Variants in UMODL1 observed in about 807,000 individuals in gnomAD.
The protein encoded by UMODL1 is uromodulin-like 1.
A neutral mutation model predicts 136.3 loss-of-function variants in UMODL1; 128 were observed. That is an observed-to-expected ratio of 0.94 (90% CI 0.81 to 1.09). UMODL1 has a LOEUF of 1.09. Among genes scored for constraint, UMODL1 ranks in the 50% least tolerant of loss-of-function variants. The pLI is 0.00. For synonymous variants in UMODL1, 721 were observed against 720.0 expected, an observed-to-expected ratio of 1.00 and a Z score of -0.02; for missense variants, 1,766 against 1,725.6, an observed-to-expected ratio of 1.02 and a Z score of -0.41.
upstream of UMODL1, among the ~76,000 whole-genome samples, chr21:42,069,078 C>T (rs562639179): frequency 2.0e-5 from 3 of 152,308 alleles, no homozygotes; most frequent in Admixed American, 6.5e-5. Flanking sequence ...AGAATTCTCT[C>T]CCTGGTGGGT....
At chr21:42,111,467 C>T in intron 11 of UMODL1, 39 bp from the exon 12 acceptor site, 2 of 1,613,854 alleles carry the variant, frequency 1.2e-6, no homozygotes, top group African/African-American at 1.3e-5. Context: ...CAGCTTCCCT[C>T]CTGGGGCCAC....
chr21:42,131,995 A>G, intron 21 of UMODL1, among the ~76,000 whole-genome samples: 1 of 152,238 alleles, frequency 6.6e-6, no homozygotes, highest in East Asian at 1.9e-4. Flanking sequence ...CATTGATATC[A>G]TAGGGAATGT....
In UMODL1 at chr21:42,134,722, C is replaced by T. The variant is rs550589089; in HGVS notation, c.3776-2717C>T. Among the ~76,000 whole-genome samples, 266 of 140,354 alleles carry T rather than the reference C, an allele frequency of 1.9e-3. 2 individuals are homozygous for T. Among genetic ancestry groups the T allele is most frequent in the African/African-American group, 6.3e-3 (250 of 39,818 alleles). The allele number at this position is 140,354 out of a possible 152,430, so 92.1% of individuals were successfully genotyped here. ...TTCTGCCTCCTGGGTTCAAGTGATT[C>T]TCCTGCCTCAGCCTCCTGAGTAGCT... On this transcript the variant is annotated intron_variant, in intron 21 of 22. Coordinates refer to ENST00000408910, the MANE Select transcript of UMODL1 (RefSeq NM_001004416.3).
In UMODL1 at chr21:42,084,183, C is replaced by CTGG; in HGVS notation, c.420_422dup (p.Gly141dup). 1 of 1,614,062 alleles carries CTGG rather than the reference C, an allele frequency of 6.2e-7. No homozygotes were observed. Among genetic ancestry groups the CTGG allele is most frequent in the Non-Finnish European group, 8.5e-7 (1 of 1,180,040 alleles). On this transcript the variant is annotated inframe_insertion, in exon 3 of 23. Transcript: ENST00000408910. ...CCCTGCAGCTTGGACATCGACTGTC[C>CTGG]TGGACTTGAGAAGTGCTGCCCCTGG... is the stretch of plus-strand genomic sequence containing the variant.
chr21:42,078,102 C>A (rs185345694), intron 2 of UMODL1, among the ~76,000 whole-genome samples: 1 of 152,354 alleles, frequency 6.6e-6, no homozygotes, highest in Admixed American at 6.5e-5. Flanking sequence ...AGTGTTAAAA[C>A]AATACCACCA....
At position 42,121,239 on chromosome 21, in the gene UMODL1, G is replaced by A. The variant is rs771429049; in HGVS notation, c.2827+15G>A. ...ACCCTGTGAAGGTAATGTCGTCAGA[G>A]TTTCTTCTTCTGGAATACTGTATCA... On this transcript the variant is annotated intron_variant, in intron 16 of 22. Coordinates refer to ENST00000408910, the MANE Select transcript of UMODL1 (RefSeq NM_001004416.3). The A allele has an allele frequency of 6.2e-7, 1 of 1,600,434 alleles. No individual in the cohort carries two copies. Among genetic ancestry groups the A allele is most frequent in the South Asian group, 1.1e-5 (1 of 88,820 alleles).
At chr21:42,092,827 C>T (rs1385708592) in intron 6 of UMODL1, among the ~76,000 whole-genome samples, 3 of 151,598 alleles carry the variant, frequency 2.0e-5, no homozygotes, top group African/African-American at 7.3e-5. Context: ...CTTAGACTAA[C>T]CCCAAGAGGC....
intron 9 of UMODL1, among the ~76,000 whole-genome samples, chr21:42,107,908 G>T (rs539814557): frequency 6.6e-6 from 1 of 152,206 alleles, no homozygotes; most frequent in Non-Finnish European, 1.5e-5. Context: ...TCCCAGCTGC[G>T]GGGCCAGTGG....
chr21:42,070,236 T>C (rs1364713077), upstream of UMODL1, among the ~76,000 whole-genome samples: 2 of 152,240 alleles, frequency 1.3e-5, no homozygotes, highest in East Asian at 3.8e-4. Flanking sequence ...CCAACGTGAA[T>C]CTTTGTTAAT....
At chr21:42,072,804 G>A (rs981860864) in intron 1 of UMODL1, among the ~76,000 whole-genome samples, 3 of 152,240 alleles carry the variant, frequency 2.0e-5, no homozygotes, top group African/African-American at 7.2e-5. Context: ...CAGAGCATTA[G>A]GCTTTCCCAT....
chr21:42,126,304 G>A (rs764848851), intron 17 of UMODL1, 41 bp from the exon 18 acceptor site: 2 of 1,610,464 alleles, frequency 1.2e-6, no homozygotes, highest in East Asian at 4.5e-5. Flanking sequence ...TGGGGGGCCG[G>A]CTGGGGCCTG....
At chr21:42,074,221 T>C (rs574382309) in intron 1 of UMODL1, among the ~76,000 whole-genome samples, 18 of 152,330 alleles carry the variant, frequency 1.2e-4, no homozygotes, top group African/African-American at 4.1e-4. Context: ...TGGCAATCTT[T>C]GGTGTTCCTT....
At chr21:42,107,189 AGT>A (rs2066733418) in intron 9 of UMODL1, among the ~76,000 whole-genome samples, 1 of 152,128 alleles carries the variant, frequency 6.6e-6, no homozygotes, top group Non-Finnish European at 1.5e-5. Context: ...ATTCTCATAC[AGT>A]GTGCATTTGT....
chr21:42,134,227 A>C (rs35523457), intron 21 of UMODL1, among the ~76,000 whole-genome samples: 1 of 152,000 alleles, frequency 6.6e-6, no homozygotes, highest in Non-Finnish European at 1.5e-5. Context: ...TTCACAGTTC[A>C]ACACATAGGT....
Position 42,119,304 on chromosome 21 carries a change from G to T in UMODL1, c.2669G>T (p.Arg890Ile), listed in dbSNP as rs1357607822. ...ACCGTGCCTCTGCTGGAGGTGATCA[G>T]AGGCGACACCTTCATACAGGGTACG... is the stretch of plus-strand genomic sequence containing the variant. ...FQTVPLLEVI[R>I]GDTFIQDYDE... is the part of the protein sequence containing the mutation. Residue 890 changes from arginine (R) to isoleucine (I), a missense_variant, in exon 15 of 23, where the codon AGA becomes ATA. Physicochemically the swap from Arg to Ile is moderately conservative, Grantham distance 97. Coordinates refer to ENST00000408910, the MANE Select transcript of UMODL1 (RefSeq NM_001004416.3). 6.2e-7 allele frequency: 1 copy of T among 1,614,114 alleles called. No individual in the cohort carries two copies. The highest frequency in any genetic ancestry group is 1.3e-5 in the African/African-American group (1 of 75,054).
chr21:42,140,263 G>C (rs2067261329), intron 22 of UMODL1, among the ~76,000 whole-genome samples: 1 of 151,516 alleles, frequency 6.6e-6, no homozygotes, highest in Non-Finnish European at 1.5e-5. Context: ...TTAGCATCCT[G>C]TGTTATAGAT....
At chr21:42,116,172 CAAAAAAAAAAA>C (rs56162491) in intron 14 of UMODL1, among the ~76,000 whole-genome samples, 187 bp downstream of exon 14, 1 of 75,082 alleles carries the variant, frequency 1.3e-5, no homozygotes, top group African/African-American at 5.8e-5. Context: ...CCATCTCCAC[CAAAAAAAAAAA>C]AAAAAAAAAA....
upstream of UMODL1, among the ~76,000 whole-genome samples, chr21:42,067,669 G>C (rs1468319377): frequency 6.6e-6 from 1 of 152,186 alleles, no homozygotes; most frequent in African/African-American, 2.4e-5. Flanking sequence ...TGCCTTTGCT[G>C]TGTTACGGAA....
At chr21:42,140,186 A>T (rs2067260156) in intron 22 of UMODL1, among the ~76,000 whole-genome samples, 1 of 152,222 alleles carries the variant, frequency 6.6e-6, no homozygotes. Context: ...CTGCCCGACG[A>T]AGAGGGGGTG....
Sources: gnomAD v4.1 joint callset for allele counts (sites outside exome capture counted in the v4.1 genomes callset) on GRCh38, gnomAD v4.1.1 for gene constraint, MANE v1.5 for transcripts, NCBI Gene and HGNC (gene_info 2026-07-23, HGNC 2026-07-21) for gene names.